Variants in NFIB observed in about 807,000 individuals in gnomAD.
The protein encoded by NFIB is nuclear factor I B.
Under a neutral mutation model 61.5 loss-of-function variants are expected in NFIB, and 11 were observed. The observed-to-expected ratio is 0.18, with a 90% CI of 0.11 to 0.30. The LOEUF is 0.30. Ranked by LOEUF, NFIB falls within the 10% of genes least tolerant of loss-of-function variation. The pLI is 1.00. For missense variants in NFIB, 471 were observed against 608.9 expected, an observed-to-expected ratio of 0.77 and a Z score of 2.38; for synonymous variants, 260 against 216.5, an observed-to-expected ratio of 1.20 and a Z score of -1.76.
chr9:14,323,463 T>C (rs986938244), intron 1 of NFIB, among the ~76,000 whole-genome samples: 20 of 152,234 alleles, frequency 1.3e-4, no homozygotes, highest in African/African-American at 4.6e-4. Flanking sequence ...GTTTAAATTG[T>C]TATACAAGTA....
intron 3 of NFIB, among the ~76,000 whole-genome samples, chr9:14,179,178 A>G (rs567803365): frequency 8.3e-4 from 127 of 152,284 alleles, no homozygotes; most frequent in African/African-American, 2.9e-3. Flanking sequence ...TTCTGAAAAC[A>G]AAGAGGGTAT....
intron 2 of NFIB, among the ~76,000 whole-genome samples, chr9:14,270,294 T>C (rs2057501488): frequency 6.6e-6 from 1 of 152,114 alleles, no homozygotes; most frequent in African/African-American, 2.4e-5. Flanking sequence ...TTTACCTGTG[T>C]TTTTAGTATA....
exon 1 of NFIB, chr9:14,398,569 G>T (rs1564058536): frequency 6.5e-7 from 1 of 1,535,154 alleles, no homozygotes; most frequent in African/African-American, 1.4e-5. Flanking sequence ...GAATCCCAGG[G>T]TTACATTTCA....
chr9:14,257,495 C>T (rs778510613), intron 2 of NFIB, among the ~76,000 whole-genome samples: 1 of 152,182 alleles, frequency 6.6e-6, no homozygotes, highest in Non-Finnish European at 1.5e-5. Flanking sequence ...GTGGCTCACA[C>T]CTGTAATGCC....
intron 2 of NFIB, among the ~76,000 whole-genome samples, chr9:14,292,669 C>T (rs756241550): frequency 3.9e-5 from 6 of 152,154 alleles, no homozygotes; most frequent in Non-Finnish European, 7.4e-5. Context: ...ACAGTAGGAC[C>T]AGCAATGTTT....
At chr9:14,281,653 G>A (rs2132437378) in intron 2 of NFIB, among the ~76,000 whole-genome samples, 1 of 152,208 alleles carries the variant, frequency 6.6e-6, no homozygotes, top group East Asian at 1.9e-4. Context: ...TGCTATTAGT[G>A]AACATACCAA....
At chr9:14,464,555 A>G in the NFIB span, among the ~76,000 whole-genome samples, 7 of 152,332 alleles carry the variant, frequency 4.6e-5, no homozygotes, top group East Asian at 1.4e-3. Flanking sequence ...AAACAGGCAC[A>G]CAGACCTGAA....
the NFIB span, among the ~76,000 whole-genome samples, chr9:14,416,891 A>ATTTTT: frequency 8.9e-6 from 1 of 112,184 alleles, no homozygotes; most frequent in African/African-American, 5.4e-5. Context: ...TACTATTTTT[A>ATTTTT]CTTTTTTTTT....
chr9:14,300,342 G>A (rs1439701189), intron 2 of NFIB: 3 of 397,178 alleles, frequency 7.6e-6, no homozygotes, highest in East Asian at 3.6e-5. Context: ...AGGATGGAGG[G>A]AAAAAGGCTG....
chr9:14,263,664 C>T (rs1008288757), intron 2 of NFIB, among the ~76,000 whole-genome samples: 1 of 152,122 alleles, frequency 6.6e-6, no homozygotes, highest in African/African-American at 2.4e-5. Flanking sequence ...TCAAAATCAC[C>T]CAAATAATTT....
At chr9:14,363,103 A>G (rs2061258719) in intron 1 of NFIB, among the ~76,000 whole-genome samples, 1 of 152,148 alleles carries the variant, frequency 6.6e-6, no homozygotes, top group Admixed American at 6.5e-5. Flanking sequence ...GGGATCTGCT[A>G]GAGAAATTGC....
the NFIB span, among the ~76,000 whole-genome samples, chr9:14,456,237 G>A: frequency 1.7e-3 from 251 of 150,754 alleles, no homozygotes; most frequent in Admixed American, 2.7e-3. Context: ...TTTAAGGCAT[G>A]AAAGTGAATA....
At chr9:14,388,345 A>G (rs1245259711) in intron 1 of NFIB, among the ~76,000 whole-genome samples, 3 of 109,056 alleles carry the variant, frequency 2.8e-5, no homozygotes, top group South Asian at 6.3e-4. Flanking sequence ...ACAGAATGAG[A>G]CCTTTTCAAA....
chr9:14,217,325 A>G (rs1437650858), intron 2 of NFIB, among the ~76,000 whole-genome samples: 1 of 152,210 alleles, frequency 6.6e-6, no homozygotes, highest in African/African-American at 2.4e-5. Flanking sequence ...GATAAGATAT[A>G]CATTATCTAA....
chr9:14,241,789 T>C (rs2054388266), intron 2 of NFIB, among the ~76,000 whole-genome samples: 1 of 152,150 alleles, frequency 6.6e-6, no homozygotes, highest in Non-Finnish European at 1.5e-5. Flanking sequence ...AGAAATATAT[T>C]TTAAATTAAA....
chr9:14,214,938 T>C (rs1328045186), intron 2 of NFIB, among the ~76,000 whole-genome samples: 1 of 152,252 alleles, frequency 6.6e-6, no homozygotes, highest in African/African-American at 2.4e-5. Context: ...TACCTATGCT[T>C]CCATGCCCAT....
At chr9:14,531,089 T>C in the NFIB span, among the ~76,000 whole-genome samples, 1 of 152,204 alleles carries the variant, frequency 6.6e-6, no homozygotes, top group Non-Finnish European at 1.5e-5. Flanking sequence ...AAATTTATCA[T>C]GTAGCACTTT....
chr9:14,433,135 T>C, the NFIB span, among the ~76,000 whole-genome samples: 1 of 152,260 alleles, frequency 6.6e-6, no homozygotes, highest in Non-Finnish European at 1.5e-5. Flanking sequence ...ATAACATACT[T>C]ACAGTTGACA....
chr9:14,410,852 T>A, the NFIB span, among the ~76,000 whole-genome samples: 1 of 152,198 alleles, frequency 6.6e-6, no homozygotes, highest in African/African-American at 2.4e-5. Context: ...AATTTAAAAT[T>A]CAGACTCATT....
Sources: gnomAD v4.1 joint callset for allele counts (sites outside exome capture counted in the v4.1 genomes callset) on GRCh38, gnomAD v4.1.1 for gene constraint, MANE v1.5 for transcripts, NCBI Gene and HGNC (gene_info 2026-07-23, HGNC 2026-07-21) for gene names.